The following LRRC14 variants were observed in gnomAD, a reference collection of about 807,000 sequenced individuals.
LRRC14 encodes the protein leucine-rich repeat-containing protein 14.
A neutral mutation model predicts 25.3 loss-of-function variants in LRRC14; 16 were observed. The ratio of observed to expected loss-of-function variants is 0.63; its 90% confidence interval spans 0.43 to 0.96. LRRC14 has a LOEUF of 0.96. LRRC14 is among the 40% of genes least tolerant of loss of function. LRRC14 has a pLI of 0.00. For missense variants in LRRC14, 594 were observed against 660.5 expected (o/e 0.90, Z 1.10); for synonymous variants, 359 against 295.1 (o/e 1.22, Z -2.22).
In LRRC14 at chr8:144,524,794, C is replaced by A. The variant is rs768623878; in HGVS notation, c.*3316C>A. 6.9e-7 allele frequency: 1 copy of A among 1,439,916 alleles called. No homozygotes were observed. Among genetic ancestry groups the A allele is most frequent in the Middle Eastern group, 2.2e-4 (1 of 4,648 alleles). The allele number at this position is 1,439,916 out of a possible 1,614,324, so 89.2% of individuals were successfully genotyped here. On this transcript the variant is annotated 3_prime_UTR_variant, in exon 4 of 4. Coordinates refer to ENST00000292524, the MANE Select transcript of LRRC14 (RefSeq NM_014665.4). The stretch of plus-strand genomic sequence containing the variant: ...TCTCCCTGGGGGCACCCCGTCCTCC[C>A]GCAGCTCCACACGGTGCCCACCTGC...
rs1317759239 is a variant in LRRC14, at chr8:144,522,749, G to A, written c.*1271G>A. ...CCTGCGGCGCCGGCGACAGATCATG[G>A]CGACCAGGAGCAGCGCCGTGAGCGC... On this transcript the variant is annotated 3_prime_UTR_variant, in exon 4 of 4. Transcript: ENST00000292524. 1.3e-6 allele frequency: 2 copies of A among 1,585,350 alleles called. No homozygotes were observed. Among genetic ancestry groups the A allele is most frequent in the African/African-American group, 1.4e-5 (1 of 73,164 alleles).
Position 144,522,741 on chromosome 8 carries a change from A to T in LRRC14, c.*1263A>T. Reference sequence around the variant, plus strand: ...TTTTTTCGCCTGCGGCGCCGGCGACAGATCATGGCGACCAGGAGCAGCGCC... The same window carrying T: ...TTTTTTCGCCTGCGGCGCCGGCGACTGATCATGGCGACCAGGAGCAGCGCC... On this transcript the variant is annotated 3_prime_UTR_variant, in exon 4 of 4. Transcript: ENST00000292524. 1.3e-6 allele frequency: 2 copies of T among 1,589,260 alleles called. No homozygotes were observed. The highest frequency in any genetic ancestry group is 1.7e-6 in the Non-Finnish European group (2 of 1,169,754).
chr8:144,524,052 C>G lies in LRRC14; in HGVS notation c.*2574C>G, dbSNP rs546883135. On this transcript the variant is annotated 3_prime_UTR_variant, in exon 4 of 4. Transcript: ENST00000292524. Reference sequence around the variant, plus strand: ...TGTCAGAGCCCCTCCACACATGAGCCTGCTCCCTACTGCCAACACCGTGGC... The same window carrying G: ...TGTCAGAGCCCCTCCACACATGAGCGTGCTCCCTACTGCCAACACCGTGGC... The G allele has an allele frequency of 1.3e-6, 2 of 1,563,724 alleles. No individual in the cohort carries two copies. The highest frequency in any genetic ancestry group is 1.1e-5 in the South Asian group (1 of 87,510).
chr8:144,524,217 G>T lies in LRRC14; in HGVS notation c.*2739G>T, dbSNP rs758677817. 1.2e-6 allele frequency: 2 copies of T among 1,612,660 alleles called. No homozygotes were observed. Among genetic ancestry groups the T allele is most frequent in the East Asian group, 4.5e-5 (2 of 44,884 alleles). On this transcript the variant is annotated 3_prime_UTR_variant, in exon 4 of 4. Coordinates refer to ENST00000292524, the MANE Select transcript of LRRC14 (RefSeq NM_014665.4). ...CAGCAGTGCTAGGGAGGACAGCCCC[G>T]CTAGAGCCTGGTCCTCCAGCAGCTC...
rs1355244529 is a variant in LRRC14, at chr8:144,520,831, GC to G, written c.914+13del. ...CTGGACCAGCTGCTCAGGTGAGCGG[GC>G]CCCACCACTGCCCTGCCCCTCCCTT... On this transcript the variant is annotated intron_variant, in intron 3 of 3. Transcript: ENST00000292524. The G allele has an allele frequency of 6.3e-7, 1 of 1,594,396 alleles. No homozygotes were observed. Among genetic ancestry groups the G allele is most frequent in the Admixed American group, 1.7e-5 (1 of 59,818 alleles).
Position 144,522,580 on chromosome 8 carries a change from G to C in LRRC14, c.*1102G>C. On this transcript the variant is annotated 3_prime_UTR_variant, in exon 4 of 4. Transcript: ENST00000292524. ...GCGCCTCCGCCGGACCCTCGGCGAA[G>C]AGCGGCTTGGAGCGGTTGATGACGA... 1 of 1,552,080 alleles carries C rather than the reference G, an allele frequency of 6.4e-7. No homozygotes were observed. Among genetic ancestry groups the C allele is most frequent in the Non-Finnish European group, 8.7e-7 (1 of 1,151,748 alleles).
Position 144,520,041 on chromosome 8 carries a change from C to G in LRRC14, c.316C>G (p.Gln106Glu), listed in dbSNP as rs760892410. Residue 106 changes from glutamine (Q) to glutamate (E), a missense_variant, in exon 2 of 4, where the codon CAG (glutamine) becomes GAG (glutamate). Transcript: ENST00000292524. ...LHTSEPGAST[Q>E]PLCRKHALRV... is the part of the protein sequence containing the mutation. ...CACCTCAGAGCCTGGGGCCAGCACA[C>G]AGCCCCTCTGCAGGTATGGACTTAT... 1 of 1,605,098 alleles carries G rather than the reference C, an allele frequency of 6.2e-7. No homozygotes were observed. Among genetic ancestry groups the G allele is most frequent in the Non-Finnish European group, 8.5e-7 (1 of 1,177,700 alleles).
In LRRC14 at chr8:144,524,590, G is replaced by A; in HGVS notation, c.*3112G>A. ...AGCGCCAGCTCCAGCAGGCGCGGCT[G>A]CGCGCGGAAGGCGCCGGCCTCCAGG... is the stretch of plus-strand genomic sequence containing the variant. On this transcript the variant is annotated 3_prime_UTR_variant, in exon 4 of 4. Transcript: ENST00000292524. 6.5e-7 allele frequency: 1 copy of A among 1,534,506 alleles called. No individual in the cohort carries two copies. The highest frequency in any genetic ancestry group is 8.7e-7 in the Non-Finnish European group (1 of 1,149,802).
rs1816242999 is a variant in LRRC14, at chr8:144,524,031, AGAGCCCCTCCACACAT to A, written c.*2559_*2574del. On this transcript the variant is annotated 3_prime_UTR_variant, in exon 4 of 4. Transcript: ENST00000292524. ...GACTGCTGCCCAGTTGCCTGATGTC[AGAGCCCCTCCACACAT>A]GAGCCTGCTCCCTACTGCCAACACC... is the stretch of plus-strand genomic sequence containing the variant. The A allele has an allele frequency of 1.3e-6, 2 of 1,501,418 alleles. No individual in the cohort carries two copies. Among genetic ancestry groups the A allele is most frequent in the Non-Finnish European group, 1.8e-6 (2 of 1,109,212 alleles). 93.0% of individuals were successfully genotyped at this position (1,501,418 alleles called of 1,614,324 possible). A position where few individuals can be genotyped will look rare whatever the true frequency, so the allele number is the denominator to read the frequency against.
At position 144,519,485 on chromosome 8, in the gene LRRC14, C is replaced by T. The variant is rs190533316; in HGVS notation, c.-111-130C>T. On this transcript the variant is annotated intron_variant, in intron 1 of 3. Transcript: ENST00000292524. ...TGACGCTTAGTTTCTCTAAAGAGAT[C>T]CTGTGCATCTGGAGGGCTGGGGCTG... 1.7e-3 allele frequency: 967 copies of T among 585,780 alleles called. 4 individuals are homozygous for T. Among genetic ancestry groups the T allele is most frequent in the Non-Finnish European group, 1.8e-3 (589 of 327,274 alleles). The allele number at this position is 585,780 out of a possible 1,614,324, so 36.3% of individuals were successfully genotyped here.
Position 144,522,970 on chromosome 8 carries a change from G to A in LRRC14, c.*1492G>A. 1 of 1,586,942 alleles carries A rather than the reference G, an allele frequency of 6.3e-7. No individual in the cohort carries two copies. The highest frequency in any genetic ancestry group is 8.5e-7 in the Non-Finnish European group (1 of 1,172,566). ...AGGGCACGCGGGCAGCGCCGCCGGC[G>A]TTGGAGGCCTCGCACTCGTACTTAC... On this transcript the variant is annotated 3_prime_UTR_variant, in exon 4 of 4. Transcript: ENST00000292524.
At position 144,521,848 on chromosome 8, in the gene LRRC14, T is replaced by G; in HGVS notation, c.*370T>G. 4.3e-6 allele frequency: 1 copy of G among 232,836 alleles called. No homozygotes were observed. 14.4% of individuals were successfully genotyped at this position (232,836 alleles called of 1,614,324 possible). ...CCTCTCTGGGCCTTTCCTCTCCCTT[T>G]ACTGAGAGCTCAGTGCTTCTGGGGT... On this transcript the variant is annotated 3_prime_UTR_variant, in exon 4 of 4. Transcript: ENST00000292524.
Position 144,523,810 on chromosome 8 carries a change from G to A in LRRC14, c.*2332G>A. On this transcript the variant is annotated 3_prime_UTR_variant, in exon 4 of 4. Transcript: ENST00000292524. ...TCTCTTGGGAATGTCCCCAGTCCTG[G>A]TCAGCTGTCTCTCTCCTTTGCAATT... 1 of 462,044 alleles carries A rather than the reference G, an allele frequency of 2.2e-6. No individual in the cohort carries two copies. The highest frequency in any genetic ancestry group is 3.6e-5 in the East Asian group (1 of 27,688). The allele number at this position is 462,044 out of a possible 1,614,324, so 28.6% of individuals were successfully genotyped here.
Position 144,519,675 on chromosome 8 carries a change from T to G in LRRC14, c.-51T>G. The stretch of plus-strand genomic sequence containing the variant: ...CTTGGTAGTGGCCTAGGGTCTCTCC[T>G]CCCTGCTGAAGTCCCTCTCCTGCAG... On this transcript the variant is annotated 5_prime_UTR_variant, in exon 2 of 4. Coordinates refer to ENST00000292524, the MANE Select transcript of LRRC14 (RefSeq NM_014665.4). 4.0e-6 allele frequency: 6 copies of G among 1,496,658 alleles called. No homozygotes were observed. Among genetic ancestry groups the G allele is most frequent in the Non-Finnish European group, 5.4e-6 (6 of 1,102,626 alleles). 92.7% of individuals were successfully genotyped at this position (1,496,658 alleles called of 1,614,324 possible).
rs1010458339 is a variant in LRRC14, at chr8:144,523,127, G to A, written c.*1649G>A. 2 of 1,610,244 alleles carry A rather than the reference G, an allele frequency of 1.2e-6. No individual in the cohort carries two copies. Among genetic ancestry groups the A allele is most frequent in the African/African-American group, 2.7e-5 (2 of 74,924 alleles). ...TCGCGGCCGGCCCTCGCGAGGCTGG[G>A]GCACCTTTCTCCAGGTCACCAATGG... On this transcript the variant is annotated 3_prime_UTR_variant, in exon 4 of 4. Coordinates refer to ENST00000292524, the MANE Select transcript of LRRC14 (RefSeq NM_014665.4).
Position 144,521,588 on chromosome 8 carries a change from C to G in LRRC14, c.*110C>G. ...TCACAAAAGCACTGGTTACTGGTTT[C>G]CTGCTGGGTCTACCTTGCTTCTGGG... On this transcript the variant is annotated 3_prime_UTR_variant, in exon 4 of 4. Coordinates refer to ENST00000292524, the MANE Select transcript of LRRC14 (RefSeq NM_014665.4). The G allele has an allele frequency of 8.8e-7, 1 of 1,140,416 alleles. No homozygotes were observed. The highest frequency in any genetic ancestry group is 1.6e-5 in the African/African-American group (1 of 64,210). 70.6% of individuals were successfully genotyped at this position (1,140,416 alleles called of 1,614,324 possible). A position where few individuals can be genotyped will look rare whatever the true frequency, so the allele number is the denominator to read the frequency against.
rs921998630 is a variant in LRRC14, at chr8:144,522,987, C to T, written c.*1509C>T. The T allele has an allele frequency of 1.3e-6, 2 of 1,595,462 alleles. No homozygotes were observed. Among genetic ancestry groups the T allele is most frequent in the Non-Finnish European group, 8.5e-7 (1 of 1,175,532 alleles). On this transcript the variant is annotated 3_prime_UTR_variant, in exon 4 of 4. Transcript: ENST00000292524. ...CCGCCGGCGTTGGAGGCCTCGCACTCGTACTTACCGGCGTGCGCCAGCGTG... is the reference window on the plus strand; with the variant it reads ...CCGCCGGCGTTGGAGGCCTCGCACTTGTACTTACCGGCGTGCGCCAGCGTG...
In LRRC14 at chr8:144,520,338, G is replaced by C; in HGVS notation, c.430G>C (p.Ala144Pro). 2 of 1,612,404 alleles carry C rather than the reference G, an allele frequency of 1.2e-6. No homozygotes were observed. The highest frequency in any genetic ancestry group is 1.7e-6 in the Non-Finnish European group (2 of 1,179,968). ...CATGTGGGACTGTACTGCTGCCGTA[G>C]CTCGCACATGCATTGCCCAGCAGCA... The part of the protein sequence containing the change: ...MSMWDCTAAV[A>P]RTCIAQQQGG... Residue 144 changes from alanine to proline, a missense_variant, in exon 3 of 4, where the codon GCT becomes CCT. Physicochemically the swap from Ala to Pro is conservative, Grantham distance 27. Coordinates refer to ENST00000292524, the MANE Select transcript of LRRC14 (RefSeq NM_014665.4).
At position 144,523,646 on chromosome 8, in the gene LRRC14, C is replaced by T. The variant is rs1191552666; in HGVS notation, c.*2168C>T. 1.1e-5 allele frequency: 6 copies of T among 524,658 alleles called. No individual in the cohort carries two copies. The highest frequency in any genetic ancestry group is 1.8e-5 in the Non-Finnish European group (6 of 326,852). The allele number at this position is 524,658 out of a possible 1,614,324, so 32.5% of individuals were successfully genotyped here. A position where few individuals can be genotyped will look rare whatever the true frequency, so the allele number is the denominator to read the frequency against. ...GCCTGCCTGTTACAGATCACTTCTCCGTCGGTCTCTGAGAAAGCACCTGCT... is the reference window on the plus strand; with the variant it reads ...GCCTGCCTGTTACAGATCACTTCTCTGTCGGTCTCTGAGAAAGCACCTGCT... On this transcript the variant is annotated 3_prime_UTR_variant, in exon 4 of 4. Coordinates refer to ENST00000292524, the MANE Select transcript of LRRC14 (RefSeq NM_014665.4).
Sources: gnomAD v4.1 joint callset for allele counts on GRCh38, gnomAD v4.1.1 for gene constraint, MANE v1.5 for transcripts, NCBI Gene and HGNC (gene_info 2026-07-23, HGNC 2026-07-21) for gene names.